The following EBF3 variants were observed in gnomAD, a reference collection of about 807,000 sequenced individuals.
EBF3 encodes EBF transcription factor 3, also known as transcription factor COE3.
Under a neutral mutation model 77.1 loss-of-function variants are expected in EBF3, and 18 were observed. That is an observed-to-expected ratio of 0.23 (90% CI 0.16 to 0.35). The LOEUF (loss-of-function observed/expected upper bound fraction) is 0.35, where lower values mean the gene tolerates loss of function less well. EBF3 is among the 10% of genes least tolerant of loss of function. EBF3 has a pLI of 1.00. For synonymous variants in EBF3, 350 were observed against 343.5 expected, an observed-to-expected ratio of 1.02 and a Z score of -0.21; for missense variants, 558 against 860.0, an observed-to-expected ratio of 0.65 and a Z score of 4.39.
chr10:129,919,793 G>A (rs1856141950), intron 6 of EBF3, among the ~76,000 whole-genome samples: 6 of 152,124 alleles, frequency 3.9e-5, no homozygotes, highest in Admixed American at 3.9e-4. Context: ...CCTTCCTGGT[G>A]GCCCCCATGT....
intron 6 of EBF3, among the ~76,000 whole-genome samples, chr10:129,916,503 G>A (rs559141761): frequency 5.9e-5 from 9 of 152,338 alleles, no homozygotes; most frequent in African/African-American, 2.2e-4. Context: ...GGCATCTCGT[G>A]TTGTTTCCGA....
At position 129,935,967 on chromosome 10, in the gene EBF3, T is replaced by G. The variant is rs1857326915; in HGVS notation, c.554+21291A>C. On this transcript the variant is annotated intron_variant, in intron 6 of 16. Coordinates refer to ENST00000440978, the MANE Select transcript of EBF3 (RefSeq NM_001375380.1). This position sits in a 1 kb window ranked among gnomAD's most constrained non-coding sequence, Gnocchi z 4.2. The stretch of plus-strand genomic sequence containing the variant: ...CCTCCACCATCATCCATCGGGGGGC[T>G]TCCTGAAGCTGCCCCCCCCGCCCAA... Among the ~76,000 whole-genome samples, 1 of 150,828 alleles carries G rather than the reference T, an allele frequency of 6.6e-6. No individual in the cohort carries two copies. Among genetic ancestry groups the G allele is most frequent in the Non-Finnish European group, 1.5e-5 (1 of 67,984 alleles).
rs71481027 is a variant in EBF3 at position 129,948,259 on chromosome 10, C to CA, written c.554+8998dup. Among the ~76,000 whole-genome samples the CA allele has an allele frequency of 3.6e-3, 166 of 45,720 alleles. 11 individuals are homozygous for CA. The highest frequency in any genetic ancestry group is 8.4e-3 in the African/African-American group (90 of 10,654). 30.0% of individuals were successfully genotyped at this position (45,720 alleles called of 152,430 possible). On this transcript the variant is annotated intron_variant, in intron 6 of 16. Transcript: ENST00000440978. ...GGCAACAAGAGCAAAAACTCCGTCTCAAAAAAAAAAAAAAAAAAAAAAAAA... is the reference window on the plus strand; with the variant it reads ...GGCAACAAGAGCAAAAACTCCGTCTCAAAAAAAAAAAAAAAAAAAAAAAAAA...
At chr10:129,881,964 A>G (rs1157713894) in intron 6 of EBF3, among the ~76,000 whole-genome samples, 3 of 152,238 alleles carry the variant, frequency 2.0e-5, no homozygotes, top group Non-Finnish European at 4.4e-5. Context: ...CAGTGCCAGC[A>G]TAAGCGTGGA....
intron 11 of EBF3, among the ~76,000 whole-genome samples, chr10:129,846,214 T>G (rs1468178104): frequency 6.6e-6 from 1 of 151,374 alleles, no homozygotes. Context: ...TGCCTAAAAT[T>G]AGGAGGTAAA....
rs995089184 is a variant in EBF3, at chr10:129,879,209, C to T, written c.555-1360G>A. 1.6e-4 allele frequency among the ~76,000 whole-genome samples: 25 copies of T among 152,126 alleles called. No homozygotes were observed. Among genetic ancestry groups the T allele is most frequent in the African/African-American group, 5.8e-4 (24 of 41,420 alleles). On this transcript the variant is annotated intron_variant, in intron 6 of 16. Transcript: ENST00000440978. This position sits in a 1 kb window ranked among gnomAD's most constrained non-coding sequence, Gnocchi z 4.7. Reference sequence around the variant, plus strand: ...GGTGGGGGGGTTTCTCCCTGTATAACCTCTGCCTCAACTTGAAAAGGCCAC... The same window carrying T: ...GGTGGGGGGGTTTCTCCCTGTATAATCTCTGCCTCAACTTGAAAAGGCCAC...
chr10:129,963,855 T>C lies in EBF3; in HGVS notation c.-87A>G, dbSNP rs967993745. The C allele has an allele frequency of 1.0e-5, 14 of 1,390,078 alleles. No individual in the cohort carries two copies. The African/African-American group carries it at 1.6e-4, about 15-fold the overall frequency. The allele number at this position is 1,390,078 out of a possible 1,614,324, so 86.1% of individuals were successfully genotyped here. On this transcript the variant is annotated 5_prime_UTR_variant, in exon 1 of 17. Transcript: ENST00000440978. This position sits in a 1 kb window ranked among gnomAD's most constrained non-coding sequence, Gnocchi z 7.1. Reference sequence around the variant, plus strand: ...GGGGCTTGGCGGCAGGCGGCTGCCCTGGCCGCCCTCGCCCTGCTCGGCGCC... The same window carrying C: ...GGGGCTTGGCGGCAGGCGGCTGCCCCGGCCGCCCTCGCCCTGCTCGGCGCC...
intron 6 of EBF3, among the ~76,000 whole-genome samples, chr10:129,893,642 T>C (rs1246274558): frequency 6.6e-6 from 1 of 152,250 alleles, no homozygotes. Context: ...AAACAAAGAC[T>C]TGCTGGCAAA....
intron 4 of EBF3, among the ~76,000 whole-genome samples, chr10:129,959,404 G>A (rs554462757): frequency 4.7e-4 from 71 of 152,238 alleles, no homozygotes; most frequent in African/African-American, 1.6e-3. Flanking sequence ...CCGCCGCCAG[G>A]CCGCGTCCTC....
rs1461923738 is a variant in EBF3, at chr10:129,837,774, TAAATA to T, written c.*164_*168del. 3 of 821,240 alleles carry T rather than the reference TAAATA, an allele frequency of 3.7e-6. No homozygotes were observed. The highest frequency in any genetic ancestry group is 5.8e-6 in the Non-Finnish European group (3 of 519,454). The allele number at this position is 821,240 out of a possible 1,614,324, so 50.9% of individuals were successfully genotyped here. A position where few individuals can be genotyped will look rare whatever the true frequency, so the allele number is the denominator to read the frequency against. On this transcript the variant is annotated 3_prime_UTR_variant, in exon 17 of 17. Coordinates refer to ENST00000440978, the MANE Select transcript of EBF3 (RefSeq NM_001375380.1). ...GTTTGCATGTTGATTCTTAATAGTT[TAAATA>T]AAATCTTTAAACAAAGTCTTTTGTA...
chr10:129,912,876 T>C (rs900088923), intron 6 of EBF3, among the ~76,000 whole-genome samples: 11 of 152,260 alleles, frequency 7.2e-5, no homozygotes, highest in African/African-American at 2.7e-4. Context: ...AAGAAATCTG[T>C]ATGCAGCGTT....
chr10:129,896,842 A>G (rs1366650065), intron 6 of EBF3, among the ~76,000 whole-genome samples: 1 of 152,212 alleles, frequency 6.6e-6, no homozygotes, highest in Non-Finnish European at 1.5e-5. Flanking sequence ...TGAACTTGGC[A>G]GGGGAGTCGA....
rs376441108 is a variant in EBF3, at chr10:129,842,166, C to G, written c.1322G>C (p.Ser441Thr). Residue 441 changes from serine (S) to threonine (T), a missense_variant, in exon 13 of 17, where the codon AGC (serine) becomes ACC (threonine). Coordinates refer to ENST00000440978, the MANE Select transcript of EBF3 (RefSeq NM_001375380.1). The surrounding 1 kb of genome is among the most constrained non-coding windows in gnomAD (Gnocchi z 4.4). ...TGACACGTTGACGGCTAGCTGGCTG[C>G]TGAAGGAGTTGACGCCCATCATGCC... The part of the protein sequence containing the change: ...HTGMMGVNSF[S>T]SQLAVNVSET... 25 of 1,614,130 alleles carry G rather than the reference C, an allele frequency of 1.5e-5. No homozygotes were observed. The highest frequency in any genetic ancestry group is 1.4e-4 in the South Asian group (13 of 91,088).
intron 6 of EBF3, among the ~76,000 whole-genome samples, chr10:129,900,205 T>C (rs1313113455): frequency 6.6e-6 from 1 of 152,178 alleles, no homozygotes; most frequent in Non-Finnish European, 1.5e-5. Context: ...TCCCCTGGGA[T>C]ACAAAAATAT....
chr10:129,881,551 C>T (rs1258744183), intron 6 of EBF3, among the ~76,000 whole-genome samples: 1 of 152,214 alleles, frequency 6.6e-6, no homozygotes, highest in African/African-American at 2.4e-5. Context: ...TCTCAGGAAC[C>T]AGCAGAAGGG....
At position 129,958,917 on chromosome 10, in the gene EBF3, C is replaced by T. The variant is rs937475424; in HGVS notation, c.485+17G>A. The T allele has an allele frequency of 6.3e-7, 1 of 1,583,798 alleles. No individual in the cohort carries two copies. The highest frequency in any genetic ancestry group is 1.1e-5 in the South Asian group (1 of 88,340). ...CGAGGCAGCCCGCGCCCCCGCCGCC[C>T]GCCGCCCGCCGCTCACCTGCACATG... is the stretch of plus-strand genomic sequence containing the variant. On this transcript the variant is annotated intron_variant, in intron 5 of 16. Transcript: ENST00000440978.
In EBF3 at chr10:129,943,052, T is replaced by C. The variant is rs744681; in HGVS notation, c.554+14206A>G. Among the ~76,000 whole-genome samples the C allele has an allele frequency of 0.031, 4,788 of 152,282 alleles. 254 individuals are homozygous for C. Among genetic ancestry groups the C allele is most frequent in the African/African-American group, 0.11 (4,534 of 41,528 alleles). On this transcript the variant is annotated intron_variant, in intron 6 of 16. Transcript: ENST00000440978. This position sits in a 1 kb window ranked among gnomAD's most constrained non-coding sequence, Gnocchi z 8.8. ...GAGGAAGGTAGCAGATACAACCGATTCCTGTCCTCCATTCTAAACCACTTT... is the reference window on the plus strand; with the variant it reads ...GAGGAAGGTAGCAGATACAACCGATCCCTGTCCTCCATTCTAAACCACTTT...
rs71481019 is a variant in EBF3, at chr10:129,917,651, C to CAAAAAAAAAAAAAAAAAA, written c.554+39589_554+39606dup. Among the ~76,000 whole-genome samples, 15 of 23,596 alleles carry CAAAAAAAAAAAAAAAAAA rather than the reference C, an allele frequency of 6.4e-4. 2 individuals carry two copies. The highest frequency in any genetic ancestry group is 1.9e-3 in the African/African-American group (10 of 5,334). 15.5% of individuals were successfully genotyped at this position (23,596 alleles called of 152,430 possible). ...TGGGCACCACAGCAAGACCCTGCCT[C>CAAAAAAAAAAAAAAAAAA]AAAAAAAAAAAAAAAAAAAAAAAAA... is the stretch of plus-strand genomic sequence containing the variant. On this transcript the variant is annotated intron_variant, in intron 6 of 16. Coordinates refer to ENST00000440978, the MANE Select transcript of EBF3 (RefSeq NM_001375380.1).
chr10:129,915,926 C>T (rs1049356469), intron 6 of EBF3, among the ~76,000 whole-genome samples: 5 of 152,010 alleles, frequency 3.3e-5, no homozygotes, highest in Non-Finnish European at 7.4e-5. Context: ...GGGTGCACTG[C>T]CTCATGCCCA....
Sources: allele counts gnomAD v4.1 joint callset (sites outside exome capture counted in the v4.1 genomes callset), GRCh38; gene constraint gnomAD v4.1.1; non-coding constraint Gnocchi (gnomAD v3.1); transcripts MANE v1.5; gene names NCBI Gene and HGNC (gene_info 2026-07-23, HGNC 2026-07-21).